Variants in CD8B2 observed in about 807,000 individuals in gnomAD.
The protein encoded by CD8B2 is T-cell surface glycoprotein CD8 beta-2 chain.
In CD8B2, 11 loss-of-function variants were observed where a neutral mutation model predicts 23.7. The ratio of observed to expected loss-of-function variants is 0.46; its 90% CI spans 0.29 to 0.77. The LOEUF is 0.77. Among genes scored for constraint, CD8B2 ranks in the 30% least tolerant of loss-of-function variants. The pLI is 0.09. For synonymous variants in CD8B2, 90 were observed against 109.3 expected (o/e 0.82, Z 1.10); for missense variants, 197 against 270.5 (o/e 0.73, Z 1.91).
In CD8B2 at chr2:106,511,048, A is replaced by G. The variant is rs1243608254; in HGVS notation, c.*4108A>G. On this transcript the variant is annotated 3_prime_UTR_variant, in exon 6 of 6. Transcript: ENST00000643224. The stretch of plus-strand genomic sequence containing the variant: ...TTTTTACATCATGTATTACTTTTGT[A>G]GTTGGGGAAAAAGCAATTAAAAGTT... The G allele has an allele frequency of 1.3e-5, 2 of 152,160 alleles. No individual in the cohort carries two copies. Among genetic ancestry groups the G allele is most frequent in the African/African-American group, 4.8e-5 (2 of 41,434 alleles). 9.4% of individuals were successfully genotyped at this position (152,160 alleles called of 1,614,324 possible). A position where few individuals can be genotyped will look rare whatever the true frequency, so the allele number is the denominator to read the frequency against.
intron 1 of CD8B2, among the ~76,000 whole-genome samples, chr2:106,489,247 C>A: frequency 6.6e-6 from 1 of 151,588 alleles, no homozygotes; most frequent in East Asian, 1.9e-4. Flanking sequence ...AAGTGATCCT[C>A]CTGCCTCGAT....
chr2:106,517,879 A>AT (rs561617270), intron 5 of CD8B2, among the ~76,000 whole-genome samples: 3 of 151,636 alleles, frequency 2.0e-5, no homozygotes, highest in Admixed American at 2.0e-4. Context: ...CGCCCGGCTA[A>AT]TTTTTTTTGT....
chr2:106,518,121 C>A (rs1390893203), intron 5 of CD8B2, among the ~76,000 whole-genome samples: 1 of 152,180 alleles, frequency 6.6e-6, no homozygotes, highest in Non-Finnish European at 1.5e-5. Flanking sequence ...TCATACCCAG[C>A]CTAGCATGGT....
At position 106,504,304 on chromosome 2, in the gene CD8B2, C is replaced by T. The variant is rs545436602; in HGVS notation, c.599C>T (p.Ala200Val). 48 of 1,554,754 alleles carry T rather than the reference C, an allele frequency of 3.1e-5. No individual in the cohort carries two copies. The African/African-American group carries it at 5.2e-4, about 17-fold the overall frequency. Residue 200 changes from alanine to valine, a missense_variant, in exon 5 of 6, where the codon GCC becomes GTC. Physicochemically the swap from Ala to Val is moderately conservative, Grantham distance 64 (BLOSUM62 0). Coordinates refer to ENST00000643224, the MANE Select transcript of CD8B2 (RefSeq NM_001349727.2). ...CCTCTTCCAGGCCGGCGGAGGAGAGCCCGGCTTCGTTTCATGAAACAGTAA... is the reference window on the plus strand; with the variant it reads ...CCTCTTCCAGGCCGGCGGAGGAGAGTCCGGCTTCGTTTCATGAAACAGTAA... ...AMHLCCRRRRARLRFMKQFYK is the reference protein window; with the variant it reads ...AMHLCCRRRRVRLRFMKQFYK
Position 106,509,254 on chromosome 2 carries a change from C to T in CD8B2, c.*2314C>T, listed in dbSNP as rs1225813846. On this transcript the variant is annotated 3_prime_UTR_variant, in exon 6 of 6. Transcript: ENST00000643224. Reference sequence around the variant, plus strand: ...CAAAAGAAACAAAAGCTCTGCCCATCAGCTCTGAGGACAAGGGACAGGCTG... The same window carrying T: ...CAAAAGAAACAAAAGCTCTGCCCATTAGCTCTGAGGACAAGGGACAGGCTG... The T allele has an allele frequency of 6.6e-6, 1 of 152,218 alleles. No individual in the cohort carries two copies. The highest frequency in any genetic ancestry group is 1.5e-5 in the Non-Finnish European group (1 of 68,062). The allele number at this position is 152,218 out of a possible 1,614,324, so 9.4% of individuals were successfully genotyped here. A position where few individuals can be genotyped will look rare whatever the true frequency, so the allele number is the denominator to read the frequency against.
At chr2:106,523,405 T>G (rs1437846128) in intron 5 of CD8B2, among the ~76,000 whole-genome samples, 1 of 152,174 alleles carries the variant, frequency 6.6e-6, no homozygotes, top group African/African-American at 2.4e-5. Flanking sequence ...GGTCAACTAC[T>G]GTCACTTGTG....
At chr2:106,532,941 C>T (rs1680011580) in intron 5 of CD8B2, among the ~76,000 whole-genome samples, 1 of 152,182 alleles carries the variant, frequency 6.6e-6, no homozygotes, top group African/African-American at 2.4e-5. Context: ...TACCCAGACC[C>T]TATTCAAGAT....
At chr2:106,515,389 C>T (rs1679713803), downstream of CD8B2, among the ~76,000 whole-genome samples, 1 of 152,316 alleles carries the variant, frequency 6.6e-6, no homozygotes, top group East Asian at 1.9e-4. Context: ...ACCTTAGCCC[C>T]CATGTGATGG....
chr2:106,507,059 T>C lies in CD8B2; in HGVS notation c.*119T>C. The C allele has an allele frequency of 6.6e-7, 1 of 1,505,768 alleles. No individual in the cohort carries two copies. The highest frequency in any genetic ancestry group is 2.0e-4 in the Middle Eastern group (1 of 5,008). 93.3% of individuals were successfully genotyped at this position (1,505,768 alleles called of 1,614,324 possible). ...TGGAGAGTTCAATGGCTGCTGAAGC[T>C]GCCTGCTTTTCACTGCTGCAAGGCC... On this transcript the variant is annotated 3_prime_UTR_variant, in exon 6 of 6. Coordinates refer to ENST00000643224, the MANE Select transcript of CD8B2 (RefSeq NM_001349727.2).
At chr2:106,506,145 A>AG (rs1679501636) in intron 5 of CD8B2, among the ~76,000 whole-genome samples, 1 of 152,266 alleles carries the variant, frequency 6.6e-6, no homozygotes, top group East Asian at 1.9e-4. Context: ...CAAAAAAAAA[A>AG]AAAGAAAGTT....
chr2:106,490,209 G>A (rs1679165865), intron 1 of CD8B2, among the ~76,000 whole-genome samples: 1 of 152,076 alleles, frequency 6.6e-6, no homozygotes, highest in African/African-American at 2.4e-5. Flanking sequence ...CCGAAGGGCT[G>A]TACATCCAGT....
At chr2:106,529,545 A>G (rs1679964384) in intron 5 of CD8B2, among the ~76,000 whole-genome samples, 1 of 152,128 alleles carries the variant, frequency 6.6e-6, no homozygotes, top group African/African-American at 2.4e-5. Flanking sequence ...TTAATCTACC[A>G]CCTGCCCTGG....
intron 3 of CD8B2, among the ~76,000 whole-genome samples, chr2:106,499,208 C>A (rs374165951): frequency 6.6e-6 from 1 of 152,032 alleles, no homozygotes; most frequent in Non-Finnish European, 1.5e-5. Flanking sequence ...TACATCCCTG[C>A]GACCTGCACC....
At position 106,510,085 on chromosome 2, in the gene CD8B2, A is replaced by G. The variant is rs1242150087; in HGVS notation, c.*3145A>G. On this transcript the variant is annotated 3_prime_UTR_variant, in exon 6 of 6. Transcript: ENST00000643224. ...GCATATATTTTTAAAACATCTGTATAGATTATTCTTAATACAATATATGGC... is the reference window on the plus strand; with the variant it reads ...GCATATATTTTTAAAACATCTGTATGGATTATTCTTAATACAATATATGGC... The G allele has an allele frequency of 1.3e-5, 2 of 152,218 alleles. No individual in the cohort carries two copies. The highest frequency in any genetic ancestry group is 2.9e-5 in the Non-Finnish European group (2 of 68,030). The allele number at this position is 152,218 out of a possible 1,614,324, so 9.4% of individuals were successfully genotyped here. A position where few individuals can be genotyped will look rare whatever the true frequency, so the allele number is the denominator to read the frequency against.
At chr2:106,492,648 G>A (rs1323871426) in intron 2 of CD8B2, among the ~76,000 whole-genome samples, 1 of 152,076 alleles carries the variant, frequency 6.6e-6, no homozygotes. Context: ...ACCCCCTCCA[G>A]GGCTCCCACT....
intron 5 of CD8B2, among the ~76,000 whole-genome samples, chr2:106,525,879 A>G (rs1423924330): frequency 6.6e-6 from 1 of 152,226 alleles, no homozygotes; most frequent in Admixed American, 6.5e-5. Flanking sequence ...GTGAAGTGCA[A>G]TGAAGGACAG....
chr2:106,504,265 G>A (rs1383555204), intron 4 of CD8B2, 24 bp from the exon 5 acceptor site: 1 of 1,555,688 alleles, frequency 6.4e-7, no homozygotes, highest in Non-Finnish European at 8.7e-7. Context: ...CACACTGACT[G>A]GCGCCCTTGC....
chr2:106,512,485 G>A (rs1202157516), downstream of CD8B2, among the ~76,000 whole-genome samples: 1 of 152,154 alleles, frequency 6.6e-6, no homozygotes, highest in South Asian at 2.1e-4. Flanking sequence ...GTGTGTGTGT[G>A]TGTGTACAGT....
Position 106,502,613 on chromosome 2 carries a change from G to T in CD8B2, c.583+50G>T, listed in dbSNP as rs567873662. Reference sequence around the variant, plus strand: ...TGGGTGTCCCTGTTTGCTGTTTGAAGTGTCCCTGGGATACTTTCTTCTCTA... The same window carrying T: ...TGGGTGTCCCTGTTTGCTGTTTGAATTGTCCCTGGGATACTTTCTTCTCTA... On this transcript the variant is annotated intron_variant, in intron 4 of 5. Transcript: ENST00000643224. The T allele has an allele frequency of 3.9e-5, 39 of 994,672 alleles. No individual in the cohort carries two copies. The Admixed American group carries it at 4.8e-4, about 12-fold the overall frequency. The allele number at this position is 994,672 out of a possible 1,614,324, so 61.6% of individuals were successfully genotyped here. A position where few individuals can be genotyped will look rare whatever the true frequency, so the allele number is the denominator to read the frequency against.
Sources: allele counts gnomAD v4.1 joint callset (sites outside exome capture counted in the v4.1 genomes callset), GRCh38; gene constraint gnomAD v4.1.1; transcripts MANE v1.5; gene names NCBI Gene and HGNC (gene_info 2026-07-23, HGNC 2026-07-21).